IFNLR1: variants seen among roughly 807,000 people sequenced by gnomAD.
IFNLR1 encodes CRF2-12.
Under a neutral mutation model 52.5 loss-of-function variants are expected in IFNLR1, and 28 were observed. The ratio of observed to expected loss-of-function variants is 0.53; its 90% CI spans 0.40 to 0.73. The LOEUF (loss-of-function observed/expected upper bound fraction) is 0.73, where lower values mean the gene tolerates loss of function less well. Ranked by LOEUF, IFNLR1 falls within the 30% of genes least tolerant of loss-of-function variation. The pLI, the probability that IFNLR1 is intolerant of heterozygous loss-of-function variation, is 0.00. For missense variants in IFNLR1, 623 were observed against 659.1 expected, an observed-to-expected ratio of 0.95 and a Z score of 0.60; for synonymous variants, 276 against 274.9, an observed-to-expected ratio of 1.00 and a Z score of -0.04.
intron 4 of IFNLR1, 91 bp from the exon 5 acceptor site, chr1:24,159,724 G>GGGTTT (rs1644420930): frequency 2.6e-6 from 2 of 774,178 alleles, no homozygotes; most frequent in African/African-American, 3.7e-5. Flanking sequence ...ACATGGTAGG[G>GGGTTT]TGTTTTTTTT....
rs1482797096 is a variant in IFNLR1, at chr1:24,156,050, T to A, written c.*1080A>T. On this transcript the variant is annotated 3_prime_UTR_variant, in exon 7 of 7. Transcript: ENST00000327535. Reference sequence around the variant, plus strand: ...AGGCCCAGAAGTCCGATTCCTGCCATGTTACTGTCCTACTCCAACAAACTG... The same window carrying A: ...AGGCCCAGAAGTCCGATTCCTGCCAAGTTACTGTCCTACTCCAACAAACTG... The A allele has an allele frequency of 6.6e-6, 1 of 152,174 alleles. No individual in the cohort carries two copies. Among genetic ancestry groups the A allele is most frequent in the East Asian group, 1.9e-4 (1 of 5,192 alleles). 9.4% of individuals were successfully genotyped at this position (152,174 alleles called of 1,614,324 possible).
chr1:24,165,859 C>T (rs899681378), intron 3 of IFNLR1, among the ~76,000 whole-genome samples: 1 of 152,100 alleles, frequency 6.6e-6, no homozygotes, highest in African/African-American at 2.4e-5. Flanking sequence ...TCCTGACCTT[C>T]AGGAGCTGAA....
Position 24,157,389 on chromosome 1 carries a change from C to T in IFNLR1, c.1304G>A (p.Gly435Asp). The part of the protein sequence containing the change: ...LPPPEFSKDS[G>D]FLEELPEDNL... ...ATCTTCTGGGAGCTCTTCCAGGAAA[C>T]CCGAGTCCTTGGAGAATTCAGGTGG... The change falls in exon 7 of 7, where the codon GGT (glycine) becomes GAT (aspartate). Residue 435 changes from glycine (G) to aspartate (D), a missense_variant. Gly to Asp is a moderately conservative substitution (Grantham distance 94). Coordinates refer to ENST00000327535, the MANE Select transcript of IFNLR1 (RefSeq NM_170743.4). The surrounding 1 kb of genome is among the most constrained non-coding windows in gnomAD (Gnocchi z 5.1). 6.2e-7 allele frequency: 1 copy of T among 1,614,204 alleles called. No homozygotes were observed. The highest frequency in any genetic ancestry group is 8.5e-7 in the Non-Finnish European group (1 of 1,180,044).
chr1:24,177,546 C>A (rs1176097536), intron 2 of IFNLR1, among the ~76,000 whole-genome samples: 1 of 152,226 alleles, frequency 6.6e-6, no homozygotes, highest in Non-Finnish European at 1.5e-5. Context: ...CACCATCTGC[C>A]ACCTGCTTTC....
chr1:24,177,775 A>T (rs1462122239), intron 2 of IFNLR1, among the ~76,000 whole-genome samples: 1 of 152,210 alleles, frequency 6.6e-6, no homozygotes, highest in Non-Finnish European at 1.5e-5. Flanking sequence ...AAGAGCAAGA[A>T]ACTATTAAGA....
At chr1:24,181,424 C>T (rs1644689674) in intron 1 of IFNLR1, among the ~76,000 whole-genome samples, 1 of 152,228 alleles carries the variant, frequency 6.6e-6, no homozygotes, top group African/African-American at 2.4e-5. Flanking sequence ...GCAAACTGGG[C>T]TCCCCACTTC....
chr1:24,162,270 A>G (rs1368207387), intron 3 of IFNLR1, among the ~76,000 whole-genome samples: 1 of 152,154 alleles, frequency 6.6e-6, no homozygotes, highest in Non-Finnish European at 1.5e-5. Flanking sequence ...GGAGCCTCTC[A>G]GCTCCGGAAG....
chr1:24,185,518 G>C (rs1211372675), intron 1 of IFNLR1, among the ~76,000 whole-genome samples: 2 of 152,240 alleles, frequency 1.3e-5, no homozygotes, highest in African/African-American at 4.8e-5. Context: ...GGAGGGTCCA[G>C]TTCTGTGGAT....
Position 24,157,955 on chromosome 1 carries a change from T to A in IFNLR1, c.802-64A>T. On this transcript the variant is annotated intron_variant, in intron 6 of 6. Transcript: ENST00000327535. This position sits in a 1 kb window ranked among gnomAD's most constrained non-coding sequence, Gnocchi z 5.1. Reference sequence around the variant, plus strand: ...CTTTCCTGAAGCATAATTATCATCATCTGAATTCCCCTAGAAACAGACCTC... The same window carrying A: ...CTTTCCTGAAGCATAATTATCATCAACTGAATTCCCCTAGAAACAGACCTC... 2.1e-6 allele frequency: 3 copies of A among 1,404,420 alleles called. No individual in the cohort carries two copies. 87.0% of individuals were successfully genotyped at this position (1,404,420 alleles called of 1,614,324 possible). A position where few individuals can be genotyped will look rare whatever the true frequency, so the allele number is the denominator to read the frequency against.
At chr1:24,177,278 G>C (rs183560918) in intron 2 of IFNLR1, among the ~76,000 whole-genome samples, 1 of 152,294 alleles carries the variant, frequency 6.6e-6, no homozygotes, top group East Asian at 1.9e-4. Flanking sequence ...TCCCACGATA[G>C]GCCGTCAGCA....
At chr1:24,165,149 C>T (rs1177282356) in intron 3 of IFNLR1, among the ~76,000 whole-genome samples, 2 of 152,168 alleles carry the variant, frequency 1.3e-5, no homozygotes, top group African/African-American at 2.4e-5. Flanking sequence ...AAGTTCTTCC[C>T]TCATTTTCTC....
At chr1:24,160,865 C>A (rs1199542486) in intron 4 of IFNLR1, among the ~76,000 whole-genome samples, 2 of 151,924 alleles carry the variant, frequency 1.3e-5, no homozygotes. Flanking sequence ...GCAGCTGGGA[C>A]CACAAGCATG....
At chr1:24,170,550 G>A (rs993920852) in intron 2 of IFNLR1, among the ~76,000 whole-genome samples, 13 of 152,168 alleles carry the variant, frequency 8.5e-5, no homozygotes, top group Non-Finnish European at 1.9e-4. Flanking sequence ...AGTAGAGACA[G>A]GGTTTCACCA....
At chr1:24,182,062 T>C (rs1644695779) in intron 1 of IFNLR1, among the ~76,000 whole-genome samples, 1 of 152,046 alleles carries the variant, frequency 6.6e-6, no homozygotes, top group African/African-American at 2.4e-5. Flanking sequence ...TAGCAGAACA[T>C]GATGGCACAG....
At chr1:24,162,934 C>CTT (rs1644478394) in intron 3 of IFNLR1, among the ~76,000 whole-genome samples, 1 of 81,634 alleles carries the variant, frequency 1.2e-5, no homozygotes, top group African/African-American at 5.1e-5. Context: ...TCTTTTCTTT[C>CTT]TTTCTCTTTC....
chr1:24,161,723 G>C (rs1341123153), intron 3 of IFNLR1, 39 bp from the exon 4 acceptor site: 1 of 1,450,454 alleles, frequency 6.9e-7, no homozygotes, highest in Non-Finnish European at 9.1e-7. Context: ...AATCCCGAGG[G>C]GCCGCACTGC....
In IFNLR1 at chr1:24,159,731, T is replaced by TTTTTTTTGTTTTTTTG. The variant is rs1644422015; in HGVS notation, c.511-99_511-98insCAAAAAAACAAAAAAA. The TTTTTTTTGTTTTTTTG allele has an allele frequency of 2.1e-5, 20 of 952,294 alleles. No individual in the cohort carries two copies. The East Asian group carries it at 5.8e-4, about 28-fold the overall frequency. 59.0% of individuals were successfully genotyped at this position (952,294 alleles called of 1,614,324 possible). A position where few individuals can be genotyped will look rare whatever the true frequency, so the allele number is the denominator to read the frequency against. On this transcript the variant is annotated intron_variant, in intron 4 of 6. Coordinates refer to ENST00000327535, the MANE Select transcript of IFNLR1 (RefSeq NM_170743.4). ...GTTGGCAGACATGGTAGGGTGTTTT[T>TTTTTTTTGTTTTTTTG]TTTTTGTTTTTTTTTTTTGTTTTTT... is the stretch of plus-strand genomic sequence containing the variant.
intron 3 of IFNLR1, among the ~76,000 whole-genome samples, chr1:24,163,590 T>TC (rs906823895): frequency 6.6e-6 from 1 of 151,676 alleles, no homozygotes; most frequent in African/African-American, 2.4e-5. Context: ...TTTTTTCTTT[T>TC]TTTTTTTAGA....
At chr1:24,185,452 A>C (rs1644728247) in intron 1 of IFNLR1, among the ~76,000 whole-genome samples, 1 of 152,212 alleles carries the variant, frequency 6.6e-6, no homozygotes, top group Non-Finnish European at 1.5e-5. Context: ...AGGGTCCTGA[A>C]GTGTCCCATG....
Sources: allele counts gnomAD v4.1 joint callset (sites outside exome capture counted in the v4.1 genomes callset), GRCh38; gene constraint gnomAD v4.1.1; non-coding constraint Gnocchi (gnomAD v3.1); transcripts MANE v1.5; gene names NCBI Gene and HGNC (gene_info 2026-07-23, HGNC 2026-07-21).